Variants in TLK1 observed in about 807,000 individuals in gnomAD.
TLK1 encodes serine/threonine-protein kinase tousled-like 1.
TLK1 carries 24 observed loss-of-function variants against 105.3 expected under a neutral mutation model. The observed-to-expected ratio is 0.23, with a 90% CI of 0.17 to 0.32. The LOEUF (loss-of-function observed/expected upper bound fraction) is 0.32. Among genes scored for constraint, TLK1 ranks in the 10% least tolerant of loss-of-function variants. The probability of loss-of-function intolerance (pLI) is 1.00; values close to 1 mark genes in which losing one functional copy is unlikely to be tolerated. For missense variants in TLK1, 558 were observed against 910.5 expected (o/e 0.61, Z 4.98); for synonymous variants, 321 against 310.4 (o/e 1.03, Z -0.36).
chr2:171,196,122 GT>G (rs570467416), intron 1 of TLK1, among the ~76,000 whole-genome samples: 3,635 of 141,154 alleles, frequency 0.026, 50 homozygotes, highest in Admixed American at 0.031. Context: ...ATTGTAGCTG[GT>G]TTTTTTTTTT....
intron 18 of TLK1, among the ~76,000 whole-genome samples, chr2:171,000,229 T>C (rs557606971): frequency 8.4e-4 from 128 of 151,804 alleles, no homozygotes; most frequent in Non-Finnish European, 1.4e-3. Context: ...TACAAAAAAA[T>C]TAGCCAGGCA....
chr2:171,142,967 C>T (rs1165001867), intron 1 of TLK1, among the ~76,000 whole-genome samples: 3 of 152,064 alleles, frequency 2.0e-5, no homozygotes, highest in Non-Finnish European at 4.4e-5. Flanking sequence ...CCAGCTACTC[C>T]GGAGGGATTC....
In TLK1 at chr2:171,056,546, T is replaced by G. The variant is rs757328996; in HGVS notation, c.474A>C (p.Ser158=). The part of the protein sequence containing the change: ...DYFEYQGGNG[S]SPVRGIPPAI... ...CAGGAGGTATGCCTCTTACTGGACT[T>G]GAGCCATTTCCACCCTGGTACTGAG... The change falls in exon 6 of 21, where the codon TCA becomes TCC. Residue 158 remains serine, a synonymous_variant. Transcript: ENST00000431350. 11 of 1,612,266 alleles carry G rather than the reference T, an allele frequency of 6.8e-6. No homozygotes were observed. The East Asian group carries it at 1.8e-4, about 26-fold the overall frequency.
chr2:171,045,151 T>C (rs570663651), intron 11 of TLK1: 9 of 151,514 alleles, frequency 5.9e-5, no homozygotes, highest in Non-Finnish European at 1.3e-4. Flanking sequence ...ATTCAAAGCA[T>C]GGATGACAGA....
At chr2:171,195,818 G>A (rs1257609614) in intron 1 of TLK1, among the ~76,000 whole-genome samples, 1 of 151,968 alleles carries the variant, frequency 6.6e-6, no homozygotes, top group African/African-American at 2.4e-5. Context: ...GGAGGTCGAG[G>A]CTGGCAGATC....
chr2:171,075,835 A>G (rs1478714265), intron 3 of TLK1, among the ~76,000 whole-genome samples: 1 of 152,222 alleles, frequency 6.6e-6, no homozygotes, highest in Non-Finnish European at 1.5e-5. Context: ...AGGTATAGAC[A>G]GCAACTGTAC....
In TLK1 at chr2:171,060,072, A is replaced by G; in HGVS notation, c.406+1009T>C. ...GGGGGGAAAAAACACTGAAAGCCAGACTAAAGCAAATATAAGTGAGGAAGG... is the reference window on the plus strand; with the variant it reads ...GGGGGGAAAAAACACTGAAAGCCAGGCTAAAGCAAATATAAGTGAGGAAGG... On this transcript the variant is annotated intron_variant, in intron 4 of 20. Coordinates refer to ENST00000431350, the MANE Select transcript of TLK1 (RefSeq NM_012290.5). 3 of 1,578,402 alleles carry G rather than the reference A, an allele frequency of 1.9e-6. No individual in the cohort carries two copies. The South Asian group carries it at 3.5e-5, about 18-fold the overall frequency.
intron 5 of TLK1, 77 bp downstream of exon 5, chr2:171,058,074 G>T: frequency 6.9e-7 from 1 of 1,455,472 alleles, no homozygotes; most frequent in Non-Finnish European, 9.6e-7. Flanking sequence ...CTGACCTTGT[G>T]CTTCTAAGAA....
chr2:171,166,067 T>C (rs1003668119), intron 1 of TLK1, among the ~76,000 whole-genome samples: 25 of 151,874 alleles, frequency 1.6e-4, no homozygotes, highest in African/African-American at 5.6e-4. Flanking sequence ...CAATTGTAGC[T>C]TGAAGTCAGC....
intron 1 of TLK1, among the ~76,000 whole-genome samples, chr2:171,141,449 A>G (rs1691570391): frequency 6.6e-6 from 1 of 152,044 alleles, no homozygotes; most frequent in African/African-American, 2.4e-5. Context: ...CACAGTTATA[A>G]GAAGTCCTAT....
At chr2:171,012,557 CAGCCTCTGCCTACTGGGT>C (rs1213813744) in intron 13 of TLK1, among the ~76,000 whole-genome samples, 2 of 151,990 alleles carry the variant, frequency 1.3e-5, no homozygotes, top group African/African-American at 4.8e-5. Flanking sequence ...TGGCTCACTG[CAGCCTCTGCCTACTGGGT>C]TAAAGCAATT....
chr2:171,104,276 C>CAA lies in TLK1; in HGVS notation c.258+13461_258+13462dup, dbSNP rs200041617. Among the ~76,000 whole-genome samples the CAA allele has an allele frequency of 1.7e-3, 185 of 108,360 alleles. 1 individual carries two copies. The highest frequency in any genetic ancestry group is 2.9e-3 in the African/African-American group (84 of 28,908). 71.1% of individuals were successfully genotyped at this position (108,360 alleles called of 152,430 possible). On this transcript the variant is annotated intron_variant, in intron 2 of 20. Transcript: ENST00000431350. ...GGGCAACAGAGTTGAGATTCTGTCTCAAAAAAAAAAAAAAAATTCCATTTA... is the reference window on the plus strand; with the variant it reads ...GGGCAACAGAGTTGAGATTCTGTCTCAAAAAAAAAAAAAAAAAATTCCATTTA...
intron 11 of TLK1, among the ~76,000 whole-genome samples, chr2:171,036,240 T>C (rs796787674): frequency 2.7e-4 from 41 of 152,106 alleles, no homozygotes; most frequent in African/African-American, 9.9e-4. Context: ...AGGTCAGGAG[T>C]TCGAGACCAG....
chr2:171,030,828 A>T (rs1307217337), intron 11 of TLK1, among the ~76,000 whole-genome samples: 3 of 152,192 alleles, frequency 2.0e-5, no homozygotes, highest in Non-Finnish European at 4.4e-5. Flanking sequence ...CTTAAACCAA[A>T]GTTAGTACAT....
At chr2:171,221,098 G>T (rs911106591) in intron 1 of TLK1, among the ~76,000 whole-genome samples, 1 of 152,120 alleles carries the variant, frequency 6.6e-6, no homozygotes, top group African/African-American at 2.4e-5. Flanking sequence ...ATAAGTAATG[G>T]ACTTGAGTGG....
chr2:171,191,767 C>A (rs950334519), intron 1 of TLK1, among the ~76,000 whole-genome samples: 2 of 152,030 alleles, frequency 1.3e-5, no homozygotes, highest in East Asian at 1.9e-4. Flanking sequence ...GTCTTTCTAC[C>A]GAGGCATAAG....
chr2:171,128,803 G>A (rs1182392654), intron 1 of TLK1, among the ~76,000 whole-genome samples: 1 of 151,830 alleles, frequency 6.6e-6, no homozygotes, highest in Non-Finnish European at 1.5e-5. Flanking sequence ...CTCACATATA[G>A]ATGTATTTTA....
At chr2:171,214,606 A>G (rs1436439236) in intron 1 of TLK1, among the ~76,000 whole-genome samples, 1 of 152,098 alleles carries the variant, frequency 6.6e-6, no homozygotes, top group East Asian at 1.9e-4. Flanking sequence ...ACAATTTCTG[A>G]TTCAGTTAAG....
intron 3 of TLK1, among the ~76,000 whole-genome samples, chr2:171,073,086 G>T (rs1688335962): frequency 6.6e-6 from 1 of 152,044 alleles, no homozygotes; most frequent in Non-Finnish European, 1.5e-5. Flanking sequence ...CAACTTTACT[G>T]AATTTATCAG....
Sources: allele counts gnomAD v4.1 joint callset (sites outside exome capture counted in the v4.1 genomes callset), GRCh38; gene constraint gnomAD v4.1.1; transcripts MANE v1.5; gene names NCBI Gene and HGNC (gene_info 2026-07-23, HGNC 2026-07-21).